The following DOCK1 variants were observed in gnomAD, a reference collection of about 807,000 sequenced individuals.
The protein encoded by DOCK1 is dedicator of cytokinesis 1.
DOCK1 carries 138 observed loss-of-function variants against 262.7 expected under a neutral mutation model. The observed-to-expected ratio is 0.53, with a 90% CI of 0.46 to 0.61. The LOEUF (loss-of-function observed/expected upper bound fraction) is 0.61, where lower values mean the gene tolerates loss of function less well. Among genes scored for constraint, DOCK1 ranks in the 20% least tolerant of loss-of-function variants. DOCK1 has a pLI of 0.00. For synonymous variants in DOCK1, 866 were observed against 867.4 expected (o/e 1.00, Z 0.03); for missense variants, 1,908 against 2,370.7 (o/e 0.80, Z 4.05).
chr10:126,966,605 C>T (rs1444316218), intron 1 of DOCK1, among the ~76,000 whole-genome samples: 1 of 152,104 alleles, frequency 6.6e-6, no homozygotes, highest in African/African-American at 2.4e-5. Flanking sequence ...GATAATACCT[C>T]ATTGTGGTTT....
chr10:127,414,690 G>T (rs750881818), intron 43 of DOCK1, among the ~76,000 whole-genome samples: 1 of 151,836 alleles, frequency 6.6e-6, no homozygotes, highest in African/African-American at 2.4e-5. Flanking sequence ...TTAAAATACC[G>T]ACTGGTTTTA....
intron 29 of DOCK1, among the ~76,000 whole-genome samples, chr10:127,261,774 T>G (rs1175178579): frequency 7.0e-6 from 1 of 142,042 alleles, no homozygotes; most frequent in Non-Finnish European, 1.5e-5. Context: ...TGTGGGTGTG[T>G]GTGTGTGTAC....
intron 29 of DOCK1, among the ~76,000 whole-genome samples, chr10:127,282,206 T>C (rs1401517059): frequency 1.3e-5 from 2 of 151,638 alleles, no homozygotes; most frequent in African/African-American, 4.9e-5. Context: ...ACTCTTGTGT[T>C]CTCTCTCTCT....
At chr10:127,112,450 A>G (rs1012269960) in intron 25 of DOCK1, among the ~76,000 whole-genome samples, 1 of 152,082 alleles carries the variant, frequency 6.6e-6, no homozygotes, top group Non-Finnish European at 1.5e-5. Context: ...CCTATGCCCC[A>G]TTTCTGTTTC....
chr10:127,383,004 A>AT (rs2065906369), intron 37 of DOCK1, among the ~76,000 whole-genome samples: 1 of 152,134 alleles, frequency 6.6e-6, no homozygotes, highest in African/African-American at 2.4e-5. Flanking sequence ...GCCCCGTTAC[A>AT]TTTTGCAATT....
intron 23 of DOCK1, among the ~76,000 whole-genome samples, chr10:127,088,299 T>G (rs2047317585): frequency 6.6e-6 from 1 of 152,248 alleles, no homozygotes; most frequent in Non-Finnish European, 1.5e-5. Context: ...CAGTCAATTT[T>G]GGAAGCAGGC....
At chr10:127,329,896 G>T (rs886223704) in intron 29 of DOCK1, among the ~76,000 whole-genome samples, 10 of 152,094 alleles carry the variant, frequency 6.6e-5, no homozygotes, top group African/African-American at 2.4e-4. Flanking sequence ...GTGATGACAG[G>T]CTTGGTGCTC....
chr10:127,089,192 G>A (rs766235987), intron 23 of DOCK1, among the ~76,000 whole-genome samples: 2 of 152,058 alleles, frequency 1.3e-5, no homozygotes, highest in Non-Finnish European at 2.9e-5. Flanking sequence ...CTTGTCCCTG[G>A]ACCCCTCCCG....
chr10:127,032,455 GTGA>G (rs1344518646), intron 18 of DOCK1, 135 bp downstream of exon 18: 3 of 934,176 alleles, frequency 3.2e-6, no homozygotes, highest in Non-Finnish European at 4.6e-6. Flanking sequence ...GCATCGGGCT[GTGA>G]TGATTTATCA....
chr10:127,073,832 A>G (rs753000445), intron 23 of DOCK1, among the ~76,000 whole-genome samples: 9 of 152,234 alleles, frequency 5.9e-5, no homozygotes, highest in Middle Eastern at 3.2e-3. Flanking sequence ...TTGTAAATGC[A>G]GCTGAAGCCA....
chr10:127,432,163 G>A (rs2069336750), intron 47 of DOCK1, among the ~76,000 whole-genome samples: 1 of 152,158 alleles, frequency 6.6e-6, no homozygotes, highest in Non-Finnish European at 1.5e-5. Flanking sequence ...CAAAAAGGTT[G>A]GGGACAACTG....
chr10:126,939,686 C>T (rs1335795999), intron 1 of DOCK1, among the ~76,000 whole-genome samples: 1 of 152,172 alleles, frequency 6.6e-6, no homozygotes, highest in East Asian at 1.9e-4. Flanking sequence ...AGAAAACAAA[C>T]TCTTCAGTCC....
chr10:127,038,460 C>T (rs960697428), intron 19 of DOCK1, among the ~76,000 whole-genome samples: 7 of 152,142 alleles, frequency 4.6e-5, no homozygotes, highest in African/African-American at 1.4e-4. Context: ...AGTGGGGTAA[C>T]AGTAGTGCCT....
chr10:127,250,054 C>T (rs985259291), intron 28 of DOCK1, among the ~76,000 whole-genome samples: 1 of 152,138 alleles, frequency 6.6e-6, no homozygotes, highest in East Asian at 1.9e-4. Flanking sequence ...AAACTACACC[C>T]GACCCCCTGC....
At chr10:127,192,382 C>T (rs900725213) in intron 27 of DOCK1, among the ~76,000 whole-genome samples, 4 of 152,186 alleles carry the variant, frequency 2.6e-5, no homozygotes, top group African/African-American at 4.8e-5. Flanking sequence ...TGCTGTTCTA[C>T]ATTCAAGTTA....
At chr10:126,950,076 A>G (rs905523141) in intron 1 of DOCK1, among the ~76,000 whole-genome samples, 1 of 151,904 alleles carries the variant, frequency 6.6e-6, no homozygotes, top group Admixed American at 6.6e-5. Flanking sequence ...TCCATTTGTG[A>G]AATGGGAATG....
At chr10:127,427,518 A>G (rs939290108) in intron 47 of DOCK1, among the ~76,000 whole-genome samples, 2 of 152,164 alleles carry the variant, frequency 1.3e-5, no homozygotes, top group Non-Finnish European at 2.9e-5. Context: ...TCTGTGAAGC[A>G]GGCACTGCAG....
At chr10:127,073,096 ATGTTT>A (rs534957017) in intron 23 of DOCK1, among the ~76,000 whole-genome samples, 1 of 152,320 alleles carries the variant, frequency 6.6e-6, no homozygotes, top group South Asian at 2.1e-4. Flanking sequence ...GATTCTTTTT[ATGTTT>A]TAAGTTTTAA....
At chr10:126,925,724 CTGTG>C (rs71032531) in intron 1 of DOCK1, among the ~76,000 whole-genome samples, 19,709 of 141,024 alleles carry the variant, frequency 0.14, 1,339 homozygotes, top group East Asian at 0.25. Flanking sequence ...ATTGCAGAGT[CTGTG>C]TGTGTGTGTG....
Sources: allele counts gnomAD v4.1 joint callset (sites outside exome capture counted in the v4.1 genomes callset), GRCh38; gene constraint gnomAD v4.1.1; transcripts MANE v1.5; gene names NCBI Gene and HGNC (gene_info 2026-07-23, HGNC 2026-07-21).